The following KRT7 variants were observed in gnomAD, a reference collection of about 807,000 sequenced individuals.
KRT7 encodes keratin 7, also known as keratin, type II cytoskeletal 7.
Under a neutral mutation model 42.8 loss-of-function variants are expected in KRT7, and 50 were observed. The observed-to-expected ratio is 1.17, with a 90% CI of 0.93 to 1.48. KRT7 has a LOEUF of 1.48. Among genes scored for constraint, KRT7 ranks in the 40% most tolerant of loss-of-function variants. The pLI, the probability that KRT7 is intolerant of heterozygous loss-of-function variation, is 0.00. For missense variants in KRT7, 588 were observed against 637.6 expected (o/e 0.92, Z 0.84); for synonymous variants, 268 against 266.3 (o/e 1.01, Z -0.06).
Position 52,235,147 on chromosome 12 carries a change from C to A in KRT7, c.325-8C>A, listed in dbSNP as rs181230635. The A allele has an allele frequency of 1.7e-5, 28 of 1,613,650 alleles. No homozygotes were observed. Among genetic ancestry groups the A allele is most frequent in the Middle Eastern group, 3.4e-4 (2 of 5,916 alleles). On this transcript the variant is annotated splice_polypyrimidine_tract_variant and splice_region_variant and intron_variant, in intron 1 of 8. Coordinates refer to ENST00000331817, the MANE Select transcript of KRT7 (RefSeq NM_005556.4). Reference sequence around the variant, plus strand: ...CCTCTTGAGTTTCCTCCTTCTCGCCCGTTCTAGGTGCGGTTTCTGGAGCAG... The same window carrying A: ...CCTCTTGAGTTTCCTCCTTCTCGCCAGTTCTAGGTGCGGTTTCTGGAGCAG...
Position 52,241,518 on chromosome 12 carries a change from T to C in KRT7, c.740T>C (p.Leu247Pro). Residue 247 changes from leucine (L) to proline (P), a missense_variant, in exon 5 of 9, where the codon CTG becomes CCG. Physicochemically the swap from Leu to Pro is moderately conservative, Grantham distance 98. Coordinates refer to ENST00000331817, the MANE Select transcript of KRT7 (RefSeq NM_005556.4). The stretch of plus-strand genomic sequence containing the variant: ...CAGATCTCCGACACATCTGTGGTGC[T>C]GTCCATGGACAACAGTCGCTCCCTG... ...QSQISDTSVV[L>P]SMDNSRSLDL... The C allele has an allele frequency of 6.2e-7, 1 of 1,613,994 alleles. No homozygotes were observed. The highest frequency in any genetic ancestry group is 8.5e-7 in the Non-Finnish European group (1 of 1,179,904).
rs187625379 is a variant in KRT7, at chr12:52,243,747, C to G, written c.984+610C>G. Among the ~76,000 whole-genome samples, 51 of 152,386 alleles carry G rather than the reference C, an allele frequency of 3.3e-4. 1 individual carries two copies. Among genetic ancestry groups the G allele is most frequent in the Admixed American group, 1.2e-3 (19 of 15,308 alleles). On this transcript the variant is annotated intron_variant, in intron 6 of 8. Transcript: ENST00000331817. Reference sequence around the variant, plus strand: ...GACCCCTTCTCAGAGACGGCACTCTCAAACACCAGCCCCTCTATCGGCAGC... The same window carrying G: ...GACCCCTTCTCAGAGACGGCACTCTGAAACACCAGCCCCTCTATCGGCAGC...
downstream of KRT7, chr12:52,250,600 A>G: frequency 8.3e-7 from 1 of 1,208,448 alleles, no homozygotes; most frequent in Admixed American, 2.0e-5. Flanking sequence ...CCCGACACGC[A>G]CAGGTCCCCG....
chr12:52,248,729 C>A lies in KRT7; in HGVS notation c.1379C>A (p.Ala460Glu). Residue 460 changes from alanine to glutamate, a missense_variant, in exon 9 of 9, where the codon GCA becomes GAA. Ala to Glu is a moderately radical substitution (Grantham distance 107). Coordinates refer to ENST00000331817, the MANE Select transcript of KRT7 (RefSeq NM_005556.4). ...GLLKAYSIRT[A>E]SASRRSARD is the part of the protein sequence containing the mutation. Reference sequence around the variant, plus strand: ...CTGAAGGCTTATTCCATCCGGACCGCATCCGCCAGTCGCAGGAGTGCCCGC... The same window carrying A: ...CTGAAGGCTTATTCCATCCGGACCGAATCCGCCAGTCGCAGGAGTGCCCGC... 6.3e-7 allele frequency: 1 copy of A among 1,596,662 alleles called. No homozygotes were observed.
At chr12:52,244,437 G>T (rs940631501) in intron 6 of KRT7, 4 of 985,822 alleles carry the variant, frequency 4.1e-6, no homozygotes, top group Non-Finnish European at 4.8e-6. Context: ...GCTACAAGGG[G>T]TCTCCAGAGG....
chr12:52,233,257 C>A lies in KRT7; in HGVS notation c.-40C>A. The stretch of plus-strand genomic sequence containing the variant: ...TCCCCGAGGTCAGCGAGTGCGCGCT[C>A]CTCCTCGCCCGCCGCTAGGTCCATC... On this transcript the variant is annotated 5_prime_UTR_variant, in exon 1 of 9. Coordinates refer to ENST00000331817, the MANE Select transcript of KRT7 (RefSeq NM_005556.4). 1 of 1,451,700 alleles carries A rather than the reference C, an allele frequency of 6.9e-7. No individual in the cohort carries two copies. The highest frequency in any genetic ancestry group is 1.4e-5 in the South Asian group (1 of 71,010). 89.9% of individuals were successfully genotyped at this position (1,451,700 alleles called of 1,614,324 possible). A position where few individuals can be genotyped will look rare whatever the true frequency, so the allele number is the denominator to read the frequency against.
Position 52,248,875 on chromosome 12 carries a change from G to A in KRT7, c.*115G>A. 1 of 1,068,924 alleles carries A rather than the reference G, an allele frequency of 9.4e-7. No individual in the cohort carries two copies. The highest frequency in any genetic ancestry group is 1.3e-6 in the Non-Finnish European group (1 of 789,826). 66.2% of individuals were successfully genotyped at this position (1,068,924 alleles called of 1,614,324 possible). A position where few individuals can be genotyped will look rare whatever the true frequency, so the allele number is the denominator to read the frequency against. On this transcript the variant is annotated 3_prime_UTR_variant, in exon 9 of 9. Transcript: ENST00000331817. The stretch of plus-strand genomic sequence containing the variant: ...TGAGACAGTCTGGAAAGTGATGTCA[G>A]AATAGCTTCCAATAAAGCAGCCTCA...
chr12:52,247,058 GA>G (rs1942184553), intron 7 of KRT7: 1 of 152,182 alleles, frequency 6.6e-6, no homozygotes, highest in African/African-American at 2.4e-5. Flanking sequence ...ACCCTGGGGG[GA>G]TATGGAGGTA....
chr12:52,246,258 T>C (rs1019728167), intron 7 of KRT7: 2 of 152,324 alleles, frequency 1.3e-5, no homozygotes, highest in African/African-American at 4.8e-5. Flanking sequence ...TTCATGGGCA[T>C]ATTGTTGGGT....
rs539287578 is a variant in KRT7 at position 52,235,496 on chromosome 12, G to A, written c.536+130G>A. On this transcript the variant is annotated intron_variant, in intron 2 of 8. Coordinates refer to ENST00000331817, the MANE Select transcript of KRT7 (RefSeq NM_005556.4). Reference sequence around the variant, plus strand: ...TGCTCAGTCCAATAACTCCCTGAGGGGCCAGTCTTGACCAACACATTTCCT... The same window carrying A: ...TGCTCAGTCCAATAACTCCCTGAGGAGCCAGTCTTGACCAACACATTTCCT... 1.6e-5 allele frequency: 12 copies of A among 731,854 alleles called. No individual in the cohort carries two copies. In the East Asian group the frequency reaches 3.3e-4, roughly 20 times the overall value. 45.3% of individuals were successfully genotyped at this position (731,854 alleles called of 1,614,324 possible). A position where few individuals can be genotyped will look rare whatever the true frequency, so the allele number is the denominator to read the frequency against.
At chr12:52,251,048 C>T (rs1942259729), downstream of KRT7, among the ~76,000 whole-genome samples, 1 of 152,162 alleles carries the variant, frequency 6.6e-6, no homozygotes, top group African/African-American at 2.4e-5. Flanking sequence ...GGCGCGATCT[C>T]GGCTCACTGC....
chr12:52,238,652 C>T (rs772637104), intron 3 of KRT7, 28 bp from the exon 4 acceptor site: 1 of 1,406,218 alleles, frequency 7.1e-7, no homozygotes, highest in Non-Finnish European at 1.0e-6. Flanking sequence ...CATGGTCTCC[C>T]TCTGCCCCAT....
In KRT7 at chr12:52,242,716, G is replaced by A. The variant is rs144214052; in HGVS notation, c.859-296G>A. Among the ~76,000 whole-genome samples, 293 of 152,152 alleles carry A rather than the reference G, an allele frequency of 1.9e-3. 2 individuals are homozygous for A. Among genetic ancestry groups the A allele is most frequent in the African/African-American group, 6.6e-3 (273 of 41,480 alleles). On this transcript the variant is annotated intron_variant, in intron 5 of 8. Transcript: ENST00000331817. Reference sequence around the variant, plus strand: ...GGTGTTCTGGGTGTTGAATGGGTGCGAATCTCAAACTCTCAGTGATTCTCC... The same window carrying A: ...GGTGTTCTGGGTGTTGAATGGGTGCAAATCTCAAACTCTCAGTGATTCTCC...
At chr12:52,252,545 C>G, downstream of KRT7, 1 of 1,565,570 alleles carries the variant, frequency 6.4e-7, no homozygotes, top group Non-Finnish European at 8.7e-7. Flanking sequence ...GGCCAGGTAA[C>G]CACTGACCAC....
At chr12:52,252,040 A>G, downstream of KRT7, 1 of 726,994 alleles carries the variant, frequency 1.4e-6, no homozygotes, top group Non-Finnish European at 2.4e-6. Flanking sequence ...CATTTACAGC[A>G]CCAACGCCCT....
intron 7 of KRT7, 118 bp downstream of exon 7, chr12:52,245,750 G>T: frequency 7.8e-7 from 1 of 1,289,246 alleles, no homozygotes. Context: ...CACTGGGTGT[G>T]GGGATGCAGG....
chr12:52,245,278 T>C (rs1942151212), intron 6 of KRT7, 134 bp from the exon 7 acceptor site: 2 of 807,302 alleles, frequency 2.5e-6, no homozygotes, highest in African/African-American at 3.5e-5. Flanking sequence ...ACCCTTAGGA[T>C]TCTCTGGTAC....
At chr12:52,236,059 A>G (rs1489479363) in intron 2 of KRT7, among the ~76,000 whole-genome samples, 1 of 152,146 alleles carries the variant, frequency 6.6e-6, no homozygotes, top group African/African-American at 2.4e-5. Context: ...CCTGAAGCTC[A>G]GGCTGGGCCC....
chr12:52,237,535 C>A lies in KRT7; in HGVS notation c.563C>A (p.Thr188Lys), dbSNP rs772849505. The change falls in exon 3 of 9, where the codon ACA becomes AAA. Residue 188 changes from threonine (T) to lysine (K), a missense_variant. Physicochemically the swap from Thr to Lys is moderately conservative, Grantham distance 78 (BLOSUM62 -1). Coordinates refer to ENST00000331817, the MANE Select transcript of KRT7 (RefSeq NM_005556.4). ...NKYEDEINHR[T>K]AAENEFVVLK... is the part of the protein sequence containing the mutation. ...TACGAAGATGAAATTAACCACCGCA[C>A]AGCTGCTGAGAATGAGTTTGTGGTG... is the stretch of plus-strand genomic sequence containing the variant. The A allele has an allele frequency of 6.2e-7, 1 of 1,612,278 alleles. No individual in the cohort carries two copies. Among genetic ancestry groups the A allele is most frequent in the Non-Finnish European group, 8.5e-7 (1 of 1,178,924 alleles).
Sources: allele counts gnomAD v4.1 joint callset (sites outside exome capture counted in the v4.1 genomes callset), GRCh38; gene constraint gnomAD v4.1.1; transcripts MANE v1.5; gene names NCBI Gene and HGNC (gene_info 2026-07-23, HGNC 2026-07-21).